The following CSMD3 variants were observed in gnomAD, a reference collection of about 807,000 sequenced individuals.
CSMD3 encodes the protein CUB and Sushi multiple domains 3.
CSMD3 carries 177 observed loss-of-function variants against 435.2 expected under a neutral mutation model. That is an observed-to-expected ratio of 0.41 (90% CI 0.36 to 0.46). The LOEUF (loss-of-function observed/expected upper bound fraction) is 0.46. Among genes scored for constraint, CSMD3 ranks in the 20% least tolerant of loss-of-function variants. The pLI, the probability that CSMD3 is intolerant of heterozygous loss-of-function variation, is 0.34. For missense variants in CSMD3, 4,265 were observed against 4,504.6 expected, an observed-to-expected ratio of 0.95 and a Z score of 1.52; for synonymous variants, 1,656 against 1,520.5, an observed-to-expected ratio of 1.09 and a Z score of -2.07.
chr8:113,111,570 G>A (rs751951594), intron 4 of CSMD3, among the ~76,000 whole-genome samples: 55 of 152,006 alleles, frequency 3.6e-4, no homozygotes, highest in Non-Finnish European at 5.4e-4. Flanking sequence ...TGTGTGTTTA[G>A]TTCTATGCAA....
At chr8:112,806,750 C>T (rs928886871) in intron 12 of CSMD3, among the ~76,000 whole-genome samples, 4 of 152,150 alleles carry the variant, frequency 2.6e-5, no homozygotes, top group Admixed American at 1.3e-4. Context: ...TCCACTAGAA[C>T]ATCCTTTCTT....
rs2130756381 is a variant in CSMD3 at position 112,301,779 on chromosome 8, T to A, written c.8440+14A>T. The A allele has an allele frequency of 6.2e-7, 1 of 1,610,790 alleles. No homozygotes were observed. The highest frequency in any genetic ancestry group is 8.5e-7 in the Non-Finnish European group (1 of 1,177,158). ...CAGGGGGAAGTTTGACAAAAACAAATTAAAAATCTGTACCTAGGCATCTGG... is the reference window on the plus strand; with the variant it reads ...CAGGGGGAAGTTTGACAAAAACAAAATAAAAATCTGTACCTAGGCATCTGG... On this transcript the variant is annotated intron_variant, in intron 53 of 70. Coordinates refer to ENST00000297405, the MANE Select transcript of CSMD3 (RefSeq NM_198123.2).
intron 4 of CSMD3, among the ~76,000 whole-genome samples, chr8:113,138,639 A>G (rs973125221): frequency 6.6e-6 from 1 of 151,352 alleles, no homozygotes; most frequent in African/African-American, 2.4e-5. Context: ...GAATATTGCA[A>G]ATTCATAAGG....
chr8:113,097,935 A>T (rs1335276417), intron 5 of CSMD3, among the ~76,000 whole-genome samples: 1 of 152,014 alleles, frequency 6.6e-6, no homozygotes, highest in Non-Finnish European at 1.5e-5. Flanking sequence ...TTACCTCATT[A>T]ATATGACTCT....
At chr8:112,278,882 T>A (rs555516905) in intron 59 of CSMD3, among the ~76,000 whole-genome samples, 2 of 152,184 alleles carry the variant, frequency 1.3e-5, no homozygotes, top group South Asian at 4.1e-4. Flanking sequence ...CAATAACAAC[T>A]GCCCTGTGGG....
intron 5 of CSMD3, among the ~76,000 whole-genome samples, chr8:113,080,669 A>C (rs1397152463): frequency 6.6e-6 from 1 of 152,220 alleles, no homozygotes; most frequent in East Asian, 1.9e-4. Flanking sequence ...GCACAGAGTC[A>C]GTGAAAAATT....
intron 35 of CSMD3, among the ~76,000 whole-genome samples, chr8:112,396,269 G>A (rs563313179): frequency 3.5e-4 from 54 of 152,202 alleles, no homozygotes; most frequent in African/African-American, 1.2e-3. Context: ...ATGCTGACTT[G>A]GCTTAAGTTA....
intron 2 of CSMD3, among the ~76,000 whole-genome samples, chr8:113,301,801 A>G (rs1474670411): frequency 6.6e-6 from 1 of 151,942 alleles, no homozygotes; most frequent in Admixed American, 6.6e-5. Flanking sequence ...TATAACATCA[A>G]ACTTGAACAT....
chr8:112,321,497 G>T (rs1329755857), intron 45 of CSMD3, among the ~76,000 whole-genome samples: 1 of 152,092 alleles, frequency 6.6e-6, no homozygotes, highest in Non-Finnish European at 1.5e-5. Context: ...AGCATTTCAG[G>T]TGGAGGAGAA....
intron 31 of CSMD3, among the ~76,000 whole-genome samples, chr8:112,491,072 T>C (rs536561615): frequency 9.2e-5 from 14 of 152,200 alleles, no homozygotes; most frequent in African/African-American, 4.8e-5. Context: ...AAAATGTTAA[T>C]CATCTCTATT....
chr8:112,367,221 C>T (rs911759941), intron 38 of CSMD3, among the ~76,000 whole-genome samples: 1 of 152,002 alleles, frequency 6.6e-6, no homozygotes, highest in African/African-American at 2.4e-5. Context: ...CTATATTCAC[C>T]GTCCATACAA....
Position 112,289,370 on chromosome 8 carries a change from C to A in CSMD3, c.9143G>T (p.Cys3048Phe). The change falls in exon 57 of 71, where the codon TGT becomes TTT. Residue 3048 changes from cysteine to phenylalanine, a missense_variant. Physicochemically the swap from Cys to Phe is radical, Grantham distance 205 (BLOSUM62 -2). Coordinates refer to ENST00000297405, the MANE Select transcript of CSMD3 (RefSeq NM_198123.2). ...TCCAATTTTCCAAGTGGTACCTGAACAATGAGGTTGTGATCCACTCCAATG... is the reference window on the plus strand; with the variant it reads ...TCCAATTTTCCAAGTGGTACCTGAAAAATGAGGTTGTGATCCACTCCAATG... ...NGHWSGSQPHCSGDATGTCGD... is the reference protein window; with the variant it reads ...NGHWSGSQPHFSGDATGTCGD... The A allele has an allele frequency of 1.9e-6, 3 of 1,612,980 alleles. No individual in the cohort carries two copies. The highest frequency in any genetic ancestry group is 2.5e-6 in the Non-Finnish European group (3 of 1,179,230).
chr8:113,076,844 C>A (rs189644869), intron 5 of CSMD3, among the ~76,000 whole-genome samples: 2 of 152,202 alleles, frequency 1.3e-5, no homozygotes, highest in African/African-American at 2.4e-5. Flanking sequence ...TCACTGGAAG[C>A]ACAAAGATAC....
chr8:113,084,528 G>T (rs1212423499), intron 5 of CSMD3, among the ~76,000 whole-genome samples: 1 of 148,818 alleles, frequency 6.7e-6, no homozygotes, highest in African/African-American at 2.5e-5. Context: ...CATACAACCT[G>T]AAGGAATATA....
At chr8:113,055,026 T>G (rs2088259749) in intron 5 of CSMD3, among the ~76,000 whole-genome samples, 1 of 152,208 alleles carries the variant, frequency 6.6e-6, no homozygotes, top group African/African-American at 2.4e-5. Context: ...GATCGTCCCC[T>G]TTCCCTACTT....
At chr8:113,271,186 C>T (rs928039532) in intron 3 of CSMD3, among the ~76,000 whole-genome samples, 3 of 151,990 alleles carry the variant, frequency 2.0e-5, no homozygotes, top group African/African-American at 4.8e-5. Flanking sequence ...AGCCTGATGA[C>T]GCAGTAGAAA....
intron 16 of CSMD3, among the ~76,000 whole-genome samples, chr8:112,681,186 C>T (rs2075885344): frequency 6.6e-6 from 1 of 151,628 alleles, no homozygotes. Flanking sequence ...AGGCATGTGC[C>T]ACCACACCCG....
At chr8:112,783,784 G>T (rs992112845) in intron 13 of CSMD3, among the ~76,000 whole-genome samples, 1 of 151,390 alleles carries the variant, frequency 6.6e-6, no homozygotes, top group Non-Finnish European at 1.5e-5. Context: ...AAAAAAGCAG[G>T]AGTGGCTATA....
intron 6 of CSMD3, among the ~76,000 whole-genome samples, chr8:112,976,984 A>G (rs2084874417): frequency 6.6e-6 from 1 of 152,060 alleles, no homozygotes; most frequent in South Asian, 2.1e-4. Context: ...TGTGTGTATA[A>G]TATTACCACA....
Sources: allele counts gnomAD v4.1 joint callset (sites outside exome capture counted in the v4.1 genomes callset), GRCh38; gene constraint gnomAD v4.1.1; transcripts MANE v1.5; gene names NCBI Gene and HGNC (gene_info 2026-07-23, HGNC 2026-07-21).